The following GPC5 variants were observed in gnomAD, a reference collection of about 807,000 sequenced individuals.
GPC5 encodes the protein glypican-5.
In GPC5, 47 loss-of-function variants were observed where a neutral mutation model predicts 53.9. The ratio of observed to expected loss-of-function variants is 0.87; its 90% confidence interval spans 0.69 to 1.11. The LOEUF (loss-of-function observed/expected upper bound fraction) is 1.11. GPC5 is among the 50% of genes most tolerant of loss of function. The pLI, the probability that GPC5 is intolerant of heterozygous loss-of-function variation, is 0.00. For missense variants in GPC5, 748 were observed against 713.1 expected (o/e 1.05, Z -0.56); for synonymous variants, 286 against 263.3 (o/e 1.09, Z -0.84).
In GPC5 at chr13:92,327,492, G is replaced by C. The variant is rs190860425; in HGVS notation, c.1561+182503G>C. Among the ~76,000 whole-genome samples, 189 of 152,210 alleles carry C rather than the reference G, an allele frequency of 1.2e-3. 1 individual carries two copies. The highest frequency in any genetic ancestry group is 2.1e-3 in the Non-Finnish European group (144 of 68,008). ...TCAGTACTCAACCTATCAAAATAAT[G>C]GCTGCCTTGGCTGTAGGTCAGAAGG... On this transcript the variant is annotated intron_variant, in intron 7 of 7. Coordinates refer to ENST00000377067, the MANE Select transcript of GPC5 (RefSeq NM_004466.6).
chr13:91,669,286 A>G (rs774346588), intron 2 of GPC5, among the ~76,000 whole-genome samples: 1 of 152,244 alleles, frequency 6.6e-6, no homozygotes, highest in African/African-American at 2.4e-5. Context: ...TGATTGTTTC[A>G]GAGAACAATG....
At chr13:92,276,485 C>CA (rs1224991557) in intron 7 of GPC5, among the ~76,000 whole-genome samples, 3 of 151,818 alleles carry the variant, frequency 2.0e-5, no homozygotes, top group Non-Finnish European at 4.4e-5. Flanking sequence ...TTAAAAGATT[C>CA]AAAAAACACA....
chr13:92,120,069 A>T (rs2041636207), intron 6 of GPC5, among the ~76,000 whole-genome samples: 1 of 152,154 alleles, frequency 6.6e-6, no homozygotes, highest in African/African-American at 2.4e-5. Context: ...TCAGACAGTA[A>T]ATGCAGGTGT....
chr13:92,016,908 A>G (rs1384018637), intron 6 of GPC5, among the ~76,000 whole-genome samples: 1 of 152,084 alleles, frequency 6.6e-6, no homozygotes. Context: ...CTATTTCCCA[A>G]TGGCCTCTAC....
intron 5 of GPC5, among the ~76,000 whole-genome samples, chr13:91,892,278 TC>T (rs1324302403): frequency 1.3e-5 from 2 of 151,950 alleles, no homozygotes; most frequent in Non-Finnish European, 2.9e-5. Flanking sequence ...TCTTTTCTTT[TC>T]AACTCTTCTT....
chr13:92,786,083 G>A (rs1276690454), intron 7 of GPC5, among the ~76,000 whole-genome samples: 1 of 152,150 alleles, frequency 6.6e-6, no homozygotes, highest in Non-Finnish European at 1.5e-5. Context: ...AAATTGGAAA[G>A]TGTAGAGCTC....
chr13:92,393,378 A>C (rs1349409683), intron 7 of GPC5, among the ~76,000 whole-genome samples: 1 of 152,198 alleles, frequency 6.6e-6, no homozygotes, highest in Non-Finnish European at 1.5e-5. Context: ...AGGCCGGTGC[A>C]GTGGCTCACA....
chr13:91,409,560 G>A (rs528728329), intron 1 of GPC5, among the ~76,000 whole-genome samples: 148 of 152,350 alleles, frequency 9.7e-4, no homozygotes, highest in Non-Finnish European at 1.7e-3. Context: ...TAGTAGTTAT[G>A]ACAAACCATG....
chr13:91,817,101 A>T (rs2038411700), intron 5 of GPC5, among the ~76,000 whole-genome samples: 1 of 152,172 alleles, frequency 6.6e-6, no homozygotes, highest in Non-Finnish European at 1.5e-5. Flanking sequence ...CATTTTAGGC[A>T]CTTCATAGGA....
intron 2 of GPC5, among the ~76,000 whole-genome samples, chr13:91,628,480 A>ATCTATCTGTCTG (rs148054564): frequency 6.7e-6 from 1 of 149,058 alleles, no homozygotes; most frequent in African/African-American, 2.5e-5. Context: ...ATTTGTATCT[A>ATCTATCTGTCTG]TCTGTCTGTC....
intron 7 of GPC5, among the ~76,000 whole-genome samples, chr13:92,680,992 A>G (rs1467317959): frequency 1.3e-5 from 2 of 152,118 alleles, no homozygotes; most frequent in East Asian, 3.9e-4. Context: ...ACTGGTCAGC[A>G]TCCAACCAGA....
intron 7 of GPC5, among the ~76,000 whole-genome samples, chr13:92,470,608 T>G (rs1878872547): frequency 6.6e-6 from 1 of 152,172 alleles, no homozygotes; most frequent in African/African-American, 2.4e-5. Flanking sequence ...GGCCTCACAC[T>G]GTCCTCTCTG....
intron 7 of GPC5, among the ~76,000 whole-genome samples, chr13:92,640,852 T>G (rs1302881864): frequency 6.6e-6 from 1 of 151,974 alleles, no homozygotes; most frequent in Admixed American, 6.6e-5. Flanking sequence ...AAGTAGGAAA[T>G]TATTCATCTA....
At chr13:91,902,933 T>C (rs982121920) in intron 5 of GPC5, among the ~76,000 whole-genome samples, 1 of 151,900 alleles carries the variant, frequency 6.6e-6, no homozygotes, top group African/African-American at 2.4e-5. Flanking sequence ...TGTAAACATA[T>C]TAAGAAAAAG....
intron 7 of GPC5, among the ~76,000 whole-genome samples, chr13:92,324,602 G>A (rs1309599548): frequency 6.6e-6 from 1 of 151,686 alleles, no homozygotes; most frequent in Non-Finnish European, 1.5e-5. Flanking sequence ...ATAACTGAAA[G>A]TCAAATTCAA....
chr13:91,527,913 G>A (rs1457271345), intron 2 of GPC5, among the ~76,000 whole-genome samples: 1 of 152,192 alleles, frequency 6.6e-6, no homozygotes, highest in Non-Finnish European at 1.5e-5. Context: ...GGAGGGGCTG[G>A]GAGGCAGGGC....
At chr13:92,619,909 T>A (rs1015336134) in intron 7 of GPC5, among the ~76,000 whole-genome samples, 9 of 152,100 alleles carry the variant, frequency 5.9e-5, no homozygotes, top group Admixed American at 5.9e-4. Flanking sequence ...ATCACTTGAA[T>A]ACTGTTTAAC....
intron 2 of GPC5, among the ~76,000 whole-genome samples, chr13:91,688,326 C>A (rs1031447072): frequency 6.6e-6 from 1 of 151,854 alleles, no homozygotes; most frequent in South Asian, 2.1e-4. Context: ...TATGTTTATC[C>A]CTAAGCATTG....
chr13:92,753,124 C>A (rs1484130230), intron 7 of GPC5, among the ~76,000 whole-genome samples: 1 of 152,208 alleles, frequency 6.6e-6, no homozygotes, highest in Non-Finnish European at 1.5e-5. Flanking sequence ...GTTCTCCCAG[C>A]ACTCAGCTGG....
Sources: gnomAD v4.1 joint callset for allele counts (sites outside exome capture counted in the v4.1 genomes callset) on GRCh38, gnomAD v4.1.1 for gene constraint, MANE v1.5 for transcripts, NCBI Gene and HGNC (gene_info 2026-07-23, HGNC 2026-07-21) for gene names.